PSD3: variants seen among roughly 807,000 people sequenced by gnomAD.
The protein encoded by PSD3 is PH and SEC7 domain-containing protein 3.
PSD3 carries 49 observed loss-of-function variants against 105.5 expected under a neutral mutation model. The ratio of observed to expected loss-of-function variants is 0.46; its 90% confidence interval spans 0.37 to 0.59. PSD3 has a LOEUF of 0.59. Ranked by LOEUF, PSD3 falls within the 20% of genes least tolerant of loss-of-function variation. The probability of loss-of-function intolerance (pLI) is 0.00; values close to 1 mark genes in which losing one functional copy is unlikely to be tolerated. For missense variants in PSD3, 1,561 were observed against 1,263.8 expected (o/e 1.24, Z -3.57); for synonymous variants, 557 against 457.8 (o/e 1.22, Z -2.77).
upstream of PSD3, among the ~76,000 whole-genome samples, chr8:19,018,428 A>G (rs1827244029): frequency 6.6e-6 from 1 of 152,106 alleles, no homozygotes; most frequent in Admixed American, 6.6e-5. Context: ...GTGATGTTAC[A>G]TTTGTCAAAA....
intron 4 of PSD3, among the ~76,000 whole-genome samples, chr8:18,836,440 AACAC>A (rs1249635366): frequency 6.6e-6 from 1 of 152,212 alleles, no homozygotes; most frequent in Non-Finnish European, 1.5e-5. Context: ...TGCAAACTCA[AACAC>A]AAACACACAG....
chr8:18,934,368 C>T (rs979257194), intron 2 of PSD3, among the ~76,000 whole-genome samples: 4 of 152,200 alleles, frequency 2.6e-5, no homozygotes, highest in African/African-American at 9.6e-5. Context: ...TAATTAACAG[C>T]AGCCAACACT....
intron 4 of PSD3, among the ~76,000 whole-genome samples, chr8:18,811,537 G>C (rs552182243): frequency 6.6e-6 from 1 of 152,228 alleles, no homozygotes; most frequent in Admixed American, 6.5e-5. Flanking sequence ...AAAAAATAGA[G>C]CAAAGATAGA....
At chr8:18,973,976 G>T (rs533586316) in intron 1 of PSD3, among the ~76,000 whole-genome samples, 63 of 152,246 alleles carry the variant, frequency 4.1e-4, no homozygotes, top group African/African-American at 1.5e-3. Context: ...TAAGTAGCAG[G>T]ACAGGATCCC....
chr8:18,993,923 C>G (rs1049125181), intron 1 of PSD3, among the ~76,000 whole-genome samples: 2 of 151,956 alleles, frequency 1.3e-5, no homozygotes, highest in Non-Finnish European at 2.9e-5. Context: ...AGCTAAAGAG[C>G]ACTATCCCTC....
intron 1 of PSD3, among the ~76,000 whole-genome samples, chr8:19,010,738 C>G (rs530474259): frequency 3.9e-5 from 6 of 152,262 alleles, no homozygotes; most frequent in Admixed American, 6.5e-5. Context: ...GATATGGGCA[C>G]TCCGAACAAA....
At position 18,580,347 on chromosome 8, in the gene PSD3, T is replaced by C. The variant is rs140060912; in HGVS notation, c.2482-5062A>G. 2.1e-3 allele frequency among the ~76,000 whole-genome samples: 314 copies of C among 152,244 alleles called. 2 individuals are homozygous for C. Among genetic ancestry groups the C allele is most frequent in the Non-Finnish European group, 4.1e-3 (280 of 68,016 alleles). ...TGGGAGGCCTTGAATCCTCAGTGGC[T>C]TCCTTCTGTGCCTGAACCAAGCCCT... On this transcript the variant is annotated intron_variant, in intron 12 of 15. Transcript: ENST00000327040.
chr8:18,912,413 A>G (rs552289059), intron 2 of PSD3, among the ~76,000 whole-genome samples: 2 of 152,334 alleles, frequency 1.3e-5, no homozygotes, highest in South Asian at 4.1e-4. Flanking sequence ...AACTATTAAC[A>G]GAACTGAGTT....
intron 11 of PSD3, among the ~76,000 whole-genome samples, chr8:18,625,442 G>A (rs982077506): frequency 6.6e-6 from 1 of 152,066 alleles, no homozygotes. Context: ...GCTACAGGGA[G>A]CTGTGAAAAC....
upstream of PSD3, among the ~76,000 whole-genome samples, chr8:19,015,273 T>A (rs1444929221): frequency 1.3e-5 from 2 of 152,204 alleles, no homozygotes; most frequent in Admixed American, 6.5e-5. Context: ...TCCTCCTTGC[T>A]TTACGCCATG....
chr8:18,863,604 A>G (rs2129455791), intron 4 of PSD3, among the ~76,000 whole-genome samples: 1 of 152,320 alleles, frequency 6.6e-6, no homozygotes. Context: ...ATTGCCATTG[A>G]AAGTAATGAC....
intron 10 of PSD3, among the ~76,000 whole-genome samples, chr8:18,654,445 G>A (rs913025442): frequency 7.2e-5 from 11 of 152,028 alleles, no homozygotes; most frequent in Non-Finnish European, 1.2e-4. Flanking sequence ...TAAAATCCAC[G>A]AAGTTCTAAT....
chr8:18,857,961 A>G (rs1198889998), intron 4 of PSD3, among the ~76,000 whole-genome samples: 1 of 152,212 alleles, frequency 6.6e-6, no homozygotes, highest in African/African-American at 2.4e-5. Flanking sequence ...AAATGGAAGC[A>G]TTTATCTAAC....
intron 2 of PSD3, among the ~76,000 whole-genome samples, chr8:18,913,002 C>T (rs1034834433): frequency 6.6e-6 from 1 of 151,558 alleles, no homozygotes; most frequent in African/African-American, 2.4e-5. Flanking sequence ...ACCATCTACC[C>T]TGAGTAATTT....
At chr8:18,810,851 G>T (rs1014199941) in intron 4 of PSD3, among the ~76,000 whole-genome samples, 1 of 152,162 alleles carries the variant, frequency 6.6e-6, no homozygotes, top group African/African-American at 2.4e-5. Context: ...CAGAAGACTG[G>T]AACCAACAGA....
intron 1 of PSD3, among the ~76,000 whole-genome samples, chr8:18,972,854 C>T (rs1824730232): frequency 6.6e-6 from 1 of 152,196 alleles, no homozygotes; most frequent in Non-Finnish European, 1.5e-5. Context: ...GCAGCTCAAA[C>T]TAAGACACAC....
chr8:18,816,861 CA>C (rs1812261651), intron 4 of PSD3, among the ~76,000 whole-genome samples: 2 of 69,848 alleles, frequency 2.9e-5, no homozygotes, highest in Non-Finnish European at 7.3e-5. Context: ...CAGACAGTGA[CA>C]TTCATAAGTG....
intron 15 of PSD3, among the ~76,000 whole-genome samples, chr8:18,550,757 C>G (rs941010940): frequency 2.6e-5 from 4 of 152,132 alleles, no homozygotes; most frequent in African/African-American, 9.7e-5. Flanking sequence ...GTCAAACCAT[C>G]TTAAGTCGGG....
At chr8:18,860,008 C>T (rs187190707) in intron 4 of PSD3, among the ~76,000 whole-genome samples, 2 of 152,296 alleles carry the variant, frequency 1.3e-5, no homozygotes, top group Admixed American at 6.5e-5. Context: ...TTTCAACATG[C>T]CTTTCTCACC....
Sources: gnomAD v4.1 joint callset for allele counts (sites outside exome capture counted in the v4.1 genomes callset) on GRCh38, gnomAD v4.1.1 for gene constraint, MANE v1.5 for transcripts, NCBI Gene and HGNC (gene_info 2026-07-23, HGNC 2026-07-21) for gene names.